The following KIFAP3 variants were observed in gnomAD, a reference collection of about 807,000 sequenced individuals.
KIFAP3 encodes kinesin associated protein 3.
A neutral mutation model predicts 106.5 loss-of-function variants in KIFAP3; 68 were observed. That is an observed-to-expected ratio of 0.64 (90% CI 0.53 to 0.78). The LOEUF is 0.78. Among genes scored for constraint, KIFAP3 ranks in the 30% least tolerant of loss-of-function variants. The pLI, the probability that KIFAP3 is intolerant of heterozygous loss-of-function variation, is 0.00. For synonymous variants in KIFAP3, 320 were observed against 311.5 expected (o/e 1.03, Z -0.29); for missense variants, 780 against 941.8 (o/e 0.83, Z 2.25).
rs544539627 is a variant in KIFAP3, at chr1:169,942,970, CAAG to C, written c.2273+11038_2273+11040del. Among the ~76,000 whole-genome samples, 15 of 134,696 alleles carry C rather than the reference CAAG, an allele frequency of 1.1e-4. No homozygotes were observed. The East Asian group carries it at 3.0e-3, about 27-fold the overall frequency. The allele number at this position is 134,696 out of a possible 152,430, so 88.4% of individuals were successfully genotyped here. ...AAAACTAATTTCTTTTGATTGAAAC[CAAG>C]AAGGTAACCACTAAACTTATTAACG... is the stretch of plus-strand genomic sequence containing the variant. On this transcript the variant is annotated intron_variant, in intron 19 of 19. Coordinates refer to ENST00000361580, the MANE Select transcript of KIFAP3 (RefSeq NM_014970.4).
At chr1:170,009,565 A>G (rs1266927831) in intron 10 of KIFAP3, among the ~76,000 whole-genome samples, 1 of 152,192 alleles carries the variant, frequency 6.6e-6, no homozygotes, top group African/African-American at 2.4e-5. Context: ...ATCCTCAAGC[A>G]TATCAAACAA....
At chr1:170,039,173 G>T in intron 4 of KIFAP3, 60 bp downstream of exon 4, 1 of 978,352 alleles carries the variant, frequency 1.0e-6, no homozygotes, top group Non-Finnish European at 1.5e-6. Context: ...TATTATTGAT[G>T]GAAAAAGGCA....
At chr1:169,955,788 C>T (rs886382914) in intron 18 of KIFAP3, among the ~76,000 whole-genome samples, 2 of 152,076 alleles carry the variant, frequency 1.3e-5, no homozygotes, top group African/African-American at 2.4e-5. Context: ...TGAGTTTCTA[C>T]AGAAAGTGTC....
chr1:170,022,163 G>T (rs1668873093), intron 9 of KIFAP3, among the ~76,000 whole-genome samples: 1 of 151,450 alleles, frequency 6.6e-6, no homozygotes, highest in Admixed American at 6.6e-5. Context: ...TTGGCAGGCT[G>T]GTCTCGAACT....
At chr1:170,004,042 C>T (rs1236747254) in intron 10 of KIFAP3, among the ~76,000 whole-genome samples, 2 of 152,152 alleles carry the variant, frequency 1.3e-5, no homozygotes, top group Non-Finnish European at 2.9e-5. Context: ...GTGCAAAAAT[C>T]ACAAGCATTC....
chr1:170,045,122 A>G (rs1234237021), intron 3 of KIFAP3, among the ~76,000 whole-genome samples: 2 of 152,200 alleles, frequency 1.3e-5, no homozygotes, highest in South Asian at 2.1e-4. Context: ...CTGGATTGGC[A>G]TATTTTTAGA....
chr1:170,077,128 CTG>C (rs1249398688), upstream of KIFAP3, among the ~76,000 whole-genome samples: 4 of 152,130 alleles, frequency 2.6e-5, no homozygotes, highest in African/African-American at 9.7e-5. Flanking sequence ...AATCAGCACT[CTG>C]TAAAAATGCA....
chr1:170,057,008 A>C (rs1670886087), intron 1 of KIFAP3, among the ~76,000 whole-genome samples: 1 of 152,182 alleles, frequency 6.6e-6, no homozygotes, highest in Non-Finnish European at 1.5e-5. Context: ...ACAGGAAACA[A>C]AAGATCTAAG....
intron 19 of KIFAP3, among the ~76,000 whole-genome samples, chr1:169,928,906 A>G (rs1470792226): frequency 6.6e-6 from 1 of 152,030 alleles, no homozygotes; most frequent in Non-Finnish European, 1.5e-5. Context: ...AGATTGTAGA[A>G]GAAGCTTGCC....
chr1:170,030,674 G>A (rs1340004486), intron 8 of KIFAP3, among the ~76,000 whole-genome samples: 1 of 151,696 alleles, frequency 6.6e-6, no homozygotes, highest in Non-Finnish European at 1.5e-5. Flanking sequence ...ATTATGCTGA[G>A]TAAAAGACAA....
At chr1:169,979,211 T>A (rs1016947266) in intron 15 of KIFAP3, among the ~76,000 whole-genome samples, 19 of 152,108 alleles carry the variant, frequency 1.2e-4, no homozygotes, top group African/African-American at 4.3e-4. Flanking sequence ...GCTTCAACTT[T>A]CTTCAGCTCT....
intron 17 of KIFAP3, among the ~76,000 whole-genome samples, chr1:169,968,518 C>T (rs935208714): frequency 6.6e-6 from 1 of 151,778 alleles, no homozygotes; most frequent in Non-Finnish European, 1.5e-5. Context: ...ATTTTTCATA[C>T]TAAATTAAAG....
chr1:169,969,161 C>G (rs561475080), intron 17 of KIFAP3, among the ~76,000 whole-genome samples: 56 of 152,082 alleles, frequency 3.7e-4, no homozygotes, highest in African/African-American at 1.3e-3. Flanking sequence ...ACTTGAAAAT[C>G]ACTACTCCCA....
chr1:169,946,986 T>C (rs1664475401), intron 19 of KIFAP3, among the ~76,000 whole-genome samples: 1 of 151,998 alleles, frequency 6.6e-6, no homozygotes, highest in Admixed American at 6.5e-5. Context: ...TATTGCACTC[T>C]TGTTCTCCTG....
chr1:170,067,958 A>T (rs544310535), intron 1 of KIFAP3: 1 of 152,346 alleles, frequency 6.6e-6, no homozygotes, highest in Admixed American at 6.5e-5. Context: ...GAAGATCATA[A>T]GCTTTTACCT....
At chr1:170,055,829 T>C (rs1348263164) in intron 1 of KIFAP3, among the ~76,000 whole-genome samples, 1 of 151,944 alleles carries the variant, frequency 6.6e-6, no homozygotes, top group Non-Finnish European at 1.5e-5. Flanking sequence ...GCCTTAAAAT[T>C]TATATTAAAA....
intron 2 of KIFAP3, among the ~76,000 whole-genome samples, chr1:170,053,594 T>C (rs988401205): frequency 4.0e-5 from 6 of 151,502 alleles, no homozygotes; most frequent in Admixed American, 2.6e-4. Flanking sequence ...CTTCAAACTA[T>C]ACTACAAGGC....
chr1:170,064,403 GA>G, intron 1 of KIFAP3, among the ~76,000 whole-genome samples: 1 of 152,314 alleles, frequency 6.6e-6, no homozygotes, highest in South Asian at 2.1e-4. Context: ...CACCTAGGCT[GA>G]AGTGCAGTGG....
chr1:169,971,696 A>T lies in KIFAP3; in HGVS notation c.1983+817T>A, dbSNP rs566583519. On this transcript the variant is annotated intron_variant, in intron 17 of 19. Transcript: ENST00000361580. The stretch of plus-strand genomic sequence containing the variant: ...ATTTCCAACTAAGTTATTGATTTTT[A>T]AAAAAAAATGTTATTCTGATCTGTT... Among the ~76,000 whole-genome samples, 412 of 151,598 alleles carry T rather than the reference A, an allele frequency of 2.7e-3. 2 individuals are homozygous for T. Among genetic ancestry groups the T allele is most frequent in the South Asian group, 8.3e-3 (40 of 4,800 alleles).
Sources: gnomAD v4.1 joint callset for allele counts (sites outside exome capture counted in the v4.1 genomes callset) on GRCh38, gnomAD v4.1.1 for gene constraint, MANE v1.5 for transcripts, NCBI Gene and HGNC (gene_info 2026-07-23, HGNC 2026-07-21) for gene names.